The following KDM4C variants were observed in gnomAD, a reference collection of about 807,000 sequenced individuals.
KDM4C encodes lysine demethylase 4C.
Under a neutral mutation model 129.3 loss-of-function variants are expected in KDM4C, and 81 were observed. The observed-to-expected ratio is 0.63, with a 90% CI of 0.52 to 0.75. The LOEUF is 0.75. Among genes scored for constraint, KDM4C ranks in the 30% least tolerant of loss-of-function variants. KDM4C has a pLI of 0.00. For synonymous variants in KDM4C, 573 were observed against 456.1 expected (o/e 1.26, Z -3.26); for missense variants, 1,457 against 1,304.0 (o/e 1.12, Z -1.81).
rs574133062 is a variant in KDM4C, at chr9:7,039,564, T to C, written c.2260-7298T>C. Among the ~76,000 whole-genome samples the C allele has an allele frequency of 2.0e-5, 3 of 152,104 alleles. No individual in the cohort carries two copies. The East Asian group carries it at 5.8e-4, about 29-fold the overall frequency. On this transcript the variant is annotated intron_variant, in intron 15 of 21. Transcript: ENST00000381309. ...TAAAAATCTGCATATAACTTTGGACTCCCCCAATACCTAACTAGTAATAGC... is the reference window on the plus strand; with the variant it reads ...TAAAAATCTGCATATAACTTTGGACCCCCCCAATACCTAACTAGTAATAGC...
At chr9:7,077,785 C>G (rs950468255) in intron 17 of KDM4C, among the ~76,000 whole-genome samples, 3 of 152,160 alleles carry the variant, frequency 2.0e-5, no homozygotes, top group Non-Finnish European at 4.4e-5. Flanking sequence ...TTTCAACTTG[C>G]AGACCAGTCA....
chr9:6,749,753 G>T (rs940845733), intron 1 of KDM4C, among the ~76,000 whole-genome samples: 2 of 152,084 alleles, frequency 1.3e-5, no homozygotes, highest in African/African-American at 4.8e-5. Context: ...TTGGGAGGCT[G>T]AGGTGGGAGG....
intron 2 of KDM4C, among the ~76,000 whole-genome samples, chr9:6,798,349 T>G (rs1376124958): frequency 1.3e-5 from 2 of 151,718 alleles, no homozygotes; most frequent in Non-Finnish European, 2.9e-5. Flanking sequence ...GGAGGGAAGG[T>G]CAGCAGATAA....
chr9:6,768,925 A>T (rs1314636371), intron 1 of KDM4C, among the ~76,000 whole-genome samples: 1 of 151,978 alleles, frequency 6.6e-6, no homozygotes, highest in African/African-American at 2.4e-5. Flanking sequence ...GGTGCCCATC[A>T]CCATGCCCGG....
At chr9:6,830,929 T>C (rs1326584158) in intron 4 of KDM4C, among the ~76,000 whole-genome samples, 1 of 151,178 alleles carries the variant, frequency 6.6e-6, no homozygotes, top group Non-Finnish European at 1.5e-5. Context: ...AATCACAGAG[T>C]GGTATAGAGG....
At chr9:6,823,644 C>G (rs1833401331) in intron 4 of KDM4C, among the ~76,000 whole-genome samples, 1 of 152,188 alleles carries the variant, frequency 6.6e-6, no homozygotes, top group Non-Finnish European at 1.5e-5. Flanking sequence ...AAAGGTGTCC[C>G]CTACCCTCTC....
At chr9:6,926,849 A>G (rs1231609058) in intron 8 of KDM4C, among the ~76,000 whole-genome samples, 4 of 152,224 alleles carry the variant, frequency 2.6e-5, no homozygotes, top group Non-Finnish European at 5.9e-5. Context: ...AAATCTGGCA[A>G]TTCTTGACTG....
At position 6,839,486 on chromosome 9, in the gene KDM4C, C is replaced by T. The variant is rs559430026; in HGVS notation, c.436-10021C>T. 9.1e-4 allele frequency among the ~76,000 whole-genome samples: 138 copies of T among 151,712 alleles called. 1 individual carries two copies. The highest frequency in any genetic ancestry group is 1.5e-3 in the South Asian group (7 of 4,776). On this transcript the variant is annotated intron_variant, in intron 4 of 21. Transcript: ENST00000381309. Reference sequence around the variant, plus strand: ...AAGTCTCAGACTCAAGCAATCCTCCCGCCTCGGCCTCCCAAAATGCTGGGA... The same window carrying T: ...AAGTCTCAGACTCAAGCAATCCTCCTGCCTCGGCCTCCCAAAATGCTGGGA...
At chr9:7,160,441 C>G (rs1055420429) in intron 19 of KDM4C, among the ~76,000 whole-genome samples, 3 of 152,230 alleles carry the variant, frequency 2.0e-5, no homozygotes, top group African/African-American at 7.2e-5. Flanking sequence ...CTTTTCTGCT[C>G]TGGTTTCTCC....
chr9:6,860,578 A>G (rs1394394264), intron 5 of KDM4C, among the ~76,000 whole-genome samples: 2 of 152,206 alleles, frequency 1.3e-5, no homozygotes, highest in East Asian at 1.9e-4. Flanking sequence ...GTTTACCTGT[A>G]TAACAAACCT....
At chr9:6,725,572 C>T (rs1817093817) in intron 1 of KDM4C, among the ~76,000 whole-genome samples, 1 of 152,170 alleles carries the variant, frequency 6.6e-6, no homozygotes, top group Non-Finnish European at 1.5e-5. Flanking sequence ...ACTGCAACCT[C>T]TGTCTCCCCG....
intron 3 of KDM4C, among the ~76,000 whole-genome samples, chr9:6,809,099 T>C (rs1172505714): frequency 6.6e-6 from 1 of 152,242 alleles, no homozygotes; most frequent in Non-Finnish European, 1.5e-5. Context: ...AAGACTCTTA[T>C]TTCTGCATGT....
rs1032561564 is a variant in KDM4C, at chr9:6,749,968, A to G, written c.49+28971A>G. ...GCCATTGTACTCCAGCCTGGGCAAC[A>G]ACAGTGAAACTCCTTCTCAAAAAAA... On this transcript the variant is annotated intron_variant, in intron 1 of 17. Transcript: ENST00000536108. Among the ~76,000 whole-genome samples the G allele has an allele frequency of 1.1e-4, 16 of 139,690 alleles. No individual in the cohort carries two copies. The Admixed American group carries it at 1.2e-3, about 11-fold the overall frequency. The allele number at this position is 139,690 out of a possible 152,430, so 91.6% of individuals were successfully genotyped here. A position where few individuals can be genotyped will look rare whatever the true frequency, so the allele number is the denominator to read the frequency against.
chr9:6,972,816 T>C (rs1832228864), intron 8 of KDM4C, among the ~76,000 whole-genome samples: 2 of 152,228 alleles, frequency 1.3e-5, no homozygotes, highest in Non-Finnish European at 1.5e-5. Flanking sequence ...TTTCAAGAAA[T>C]GTTTCCCCAT....
chr9:6,989,712 G>T (rs1305384864), intron 11 of KDM4C, among the ~76,000 whole-genome samples: 1 of 152,080 alleles, frequency 6.6e-6, no homozygotes, highest in Non-Finnish European at 1.5e-5. Flanking sequence ...ATGTTAACAT[G>T]GGAACATCTT....
At chr9:7,154,242 C>T (rs116274057) in intron 19 of KDM4C, among the ~76,000 whole-genome samples, 1 of 152,188 alleles carries the variant, frequency 6.6e-6, no homozygotes, top group Non-Finnish European at 1.5e-5. Flanking sequence ...TAATCCCTGC[C>T]AGGGTCCAGT....
chr9:6,725,142 A>G (rs1447080971), intron 1 of KDM4C, among the ~76,000 whole-genome samples: 1 of 152,100 alleles, frequency 6.6e-6, no homozygotes, highest in Non-Finnish European at 1.5e-5. Flanking sequence ...TTTGTTTTAA[A>G]AAATCTAATG....
chr9:7,086,561 A>G (rs1835137495), intron 17 of KDM4C, among the ~76,000 whole-genome samples: 1 of 152,030 alleles, frequency 6.6e-6, no homozygotes, highest in Admixed American at 6.6e-5. Context: ...CTCCTACCAC[A>G]CTGCCCTTAG....
chr9:6,980,210 T>A (rs1816529645), intron 8 of KDM4C, among the ~76,000 whole-genome samples: 2 of 152,194 alleles, frequency 1.3e-5, no homozygotes, highest in African/African-American at 4.8e-5. Context: ...GATAAAACTT[T>A]GTGTGAAGTC....
Sources: gnomAD v4.1 joint callset for allele counts (sites outside exome capture counted in the v4.1 genomes callset) on GRCh38, gnomAD v4.1.1 for gene constraint, MANE v1.5 for transcripts, NCBI Gene and HGNC (gene_info 2026-07-23, HGNC 2026-07-21) for gene names.